Variants in PCDH15 observed in about 807,000 individuals in gnomAD.
PCDH15 encodes the protein protocadherin related 15.
Under a neutral mutation model 178.5 loss-of-function variants are expected in PCDH15, and 129 were observed. That is an observed-to-expected ratio of 0.72 (90% CI 0.63 to 0.84). The LOEUF is 0.84. Ranked by LOEUF, PCDH15 falls within the 40% of genes least tolerant of loss-of-function variation. The pLI, the probability that PCDH15 is intolerant of heterozygous loss-of-function variation, is 0.00. For missense variants in PCDH15, 2,230 were observed against 2,099.9 expected, an observed-to-expected ratio of 1.06 and a Z score of -1.21; for synonymous variants, 800 against 732.0, an observed-to-expected ratio of 1.09 and a Z score of -1.50.
intron 2 of PCDH15, chr10:54,606,826 A>G (rs2092761816): frequency 6.6e-6 from 1 of 152,132 alleles, no homozygotes; most frequent in East Asian, 1.9e-4. Context: ...CTTAAGGCCA[A>G]GTCACATCAA....
At chr10:54,328,407 G>A (rs1938651948) in intron 7 of PCDH15, among the ~76,000 whole-genome samples, 1 of 151,788 alleles carries the variant, frequency 6.6e-6, no homozygotes, top group Admixed American at 6.6e-5. Flanking sequence ...TTTCTCAAGG[G>A]GTACTCCCAT....
chr10:53,922,880 G>A (rs1370077896), intron 25 of PCDH15, among the ~76,000 whole-genome samples: 2 of 152,110 alleles, frequency 1.3e-5, no homozygotes, highest in Non-Finnish European at 2.9e-5. Context: ...GAGGTCGGGA[G>A]ATCGAGACCA....
At chr10:54,858,438 T>C (rs1953780350) in intron 3 of PCDH15, among the ~76,000 whole-genome samples, 1 of 152,208 alleles carries the variant, frequency 6.6e-6, no homozygotes, top group Non-Finnish European at 1.5e-5. Flanking sequence ...TCCCTTCATA[T>C]AGTGCCCTAA....
chr10:54,793,849 A>C (rs892624756), intron 1 of PCDH15, among the ~76,000 whole-genome samples: 3 of 149,316 alleles, frequency 2.0e-5, no homozygotes, highest in African/African-American at 7.3e-5. Context: ...TCAGTAAATC[A>C]AAAGATAACA....
chr10:54,794,373 AT>A (rs1033752526), intron 1 of PCDH15, among the ~76,000 whole-genome samples: 1 of 151,644 alleles, frequency 6.6e-6, no homozygotes, highest in African/African-American at 2.4e-5. Context: ...CTTAGCCCTA[AT>A]TTACAAATAC....
intron 5 of PCDH15, among the ~76,000 whole-genome samples, chr10:54,347,039 G>C (rs1283190721): frequency 6.6e-6 from 1 of 152,130 alleles, no homozygotes; most frequent in East Asian, 1.9e-4. Flanking sequence ...GGTCACAGCA[G>C]CTGGAGAGAT....
intron 8 of PCDH15, among the ~76,000 whole-genome samples, chr10:54,241,390 C>A (rs1028518723): frequency 6.6e-6 from 1 of 152,104 alleles, no homozygotes; most frequent in Non-Finnish European, 1.5e-5. Flanking sequence ...TCAAAATGTT[C>A]CTCTATTTTA....
At chr10:55,572,791 A>G (rs1410212278) in intron 2 of PCDH15, among the ~76,000 whole-genome samples, 1 of 152,062 alleles carries the variant, frequency 6.6e-6, no homozygotes, top group Non-Finnish European at 1.5e-5. Context: ...CATGCTGATC[A>G]TTAGGGAACA....
chr10:54,098,243 C>A (rs1302082494), intron 15 of PCDH15, among the ~76,000 whole-genome samples: 1 of 144,494 alleles, frequency 6.9e-6, no homozygotes, highest in Non-Finnish European at 1.5e-5. Flanking sequence ...TCCTATTCTA[C>A]ATTTTCAGAA....
chr10:54,922,578 T>C (rs1041968145), intron 2 of PCDH15, among the ~76,000 whole-genome samples: 1 of 152,216 alleles, frequency 6.6e-6, no homozygotes, highest in Admixed American at 6.5e-5. Flanking sequence ...GATTGTGTTT[T>C]ATAATGTGAG....
At position 55,459,545 on chromosome 10, in the gene PCDH15, T is replaced by C. The variant is rs149187566; in HGVS notation, c.-156+168080A>G. 6.4e-3 allele frequency among the ~76,000 whole-genome samples: 973 copies of C among 152,188 alleles called. 6 individuals are homozygous for C. Among genetic ancestry groups the C allele is most frequent in the African/African-American group, 0.021 (888 of 41,540 alleles). ...AAGTATCATGATATCATCTAAAATT[T>C]ATGTGAGCAAGGCTGAAGTGGGAAG... On this transcript the variant is annotated intron_variant, in intron 2 of 5. Coordinates refer to the PCDH15 transcript ENST00000613346.
intron 1 of PCDH15, among the ~76,000 whole-genome samples, chr10:55,307,906 T>A (rs1843473318): frequency 6.6e-6 from 1 of 151,888 alleles, no homozygotes; most frequent in Admixed American, 6.6e-5. Flanking sequence ...GAGAGAAAAA[T>A]GTTTATAATT....
intron 25 of PCDH15, among the ~76,000 whole-genome samples, chr10:53,923,242 CTGTAATTATTTTTAAGATAT>C (rs1437480249): frequency 6.6e-6 from 1 of 152,076 alleles, no homozygotes; most frequent in African/African-American, 2.4e-5. Context: ...AACTGCTTGT[CTGTAATTATTTTTAAGATAT>C]TACATAGGGG....
chr10:55,051,040 A>C (rs74136338), intron 2 of PCDH15, among the ~76,000 whole-genome samples: 254 of 152,202 alleles, frequency 1.7e-3, no homozygotes, highest in African/African-American at 5.9e-3. Flanking sequence ...AATTGTGTAC[A>C]ATATCCCATA....
intron 3 of PCDH15, among the ~76,000 whole-genome samples, chr10:54,825,198 T>C (rs1319338618): frequency 1.1e-4 from 16 of 152,146 alleles, no homozygotes; most frequent in African/African-American, 3.6e-4. Context: ...ACAAAGGACA[T>C]GAACTCATCA....
At chr10:55,088,265 T>C (rs1378940633) in intron 2 of PCDH15, among the ~76,000 whole-genome samples, 3 of 151,812 alleles carry the variant, frequency 2.0e-5, no homozygotes, top group Non-Finnish European at 2.9e-5. Flanking sequence ...AACACTACTA[T>C]GGAAGCATGT....
intron 27 of PCDH15, among the ~76,000 whole-genome samples, chr10:53,859,568 T>G (rs532680265): frequency 6.6e-6 from 1 of 152,102 alleles, no homozygotes; most frequent in African/African-American, 2.4e-5. Context: ...AATTTTCCAC[T>G]GTCTCTTATT....
chr10:55,577,084 A>G (rs912664449), intron 2 of PCDH15, among the ~76,000 whole-genome samples: 1 of 152,096 alleles, frequency 6.6e-6, no homozygotes, highest in African/African-American at 2.4e-5. Flanking sequence ...TCTGCTAAAA[A>G]TACAAAAATT....
At chr10:55,327,716 C>T (rs1247524335) in intron 2 of PCDH15, among the ~76,000 whole-genome samples, 3 of 151,964 alleles carry the variant, frequency 2.0e-5, no homozygotes, top group Non-Finnish European at 4.4e-5. Context: ...ATTTTAATTG[C>T]ATAAAAGTTT....
Sources: gnomAD v4.1 joint callset for allele counts (sites outside exome capture counted in the v4.1 genomes callset) on GRCh38, gnomAD v4.1.1 for gene constraint, MANE v1.5 for transcripts, NCBI Gene and HGNC (gene_info 2026-07-23, HGNC 2026-07-21) for gene names.